PAG1: variants seen among roughly 807,000 people sequenced by gnomAD.
PAG1 encodes phosphoprotein membrane anchor with glycosphingolipid microdomains 1.
Under a neutral mutation model 31.7 loss-of-function variants are expected in PAG1, and 23 were observed. The observed-to-expected ratio is 0.73, with a 90% confidence interval of 0.52 to 1.03. The LOEUF (loss-of-function observed/expected upper bound fraction) is 1.03. PAG1 is among the 50% of genes least tolerant of loss of function. PAG1 has a pLI of 0.00. For synonymous variants in PAG1, 214 were observed against 210.3 expected, an observed-to-expected ratio of 1.02 and a Z score of -0.15; for missense variants, 473 against 540.7, an observed-to-expected ratio of 0.87 and a Z score of 1.24.
At chr8:81,011,172 CTA>C (rs72377193) in intron 3 of PAG1, among the ~76,000 whole-genome samples, 1,545 of 152,280 alleles carry the variant, frequency 0.01, 36 homozygotes, top group African/African-American at 0.035. Context: ...AGCACAAACT[CTA>C]TGTTTGTCTT....
chr8:81,044,590 C>G (rs1310363926), intron 2 of PAG1, among the ~76,000 whole-genome samples: 1 of 152,170 alleles, frequency 6.6e-6, no homozygotes, highest in Non-Finnish European at 1.5e-5. Flanking sequence ...TTCTACTGTT[C>G]TAAGCCACCC....
At chr8:81,040,366 A>G (rs1808533665) in intron 2 of PAG1, among the ~76,000 whole-genome samples, 1 of 152,078 alleles carries the variant, frequency 6.6e-6, no homozygotes, top group Non-Finnish European at 1.5e-5. Flanking sequence ...GCCACTTTTC[A>G]TTACCTTCAC....
intron 2 of PAG1, among the ~76,000 whole-genome samples, chr8:81,047,633 C>T (rs2130862912): frequency 6.6e-6 from 1 of 152,296 alleles, no homozygotes; most frequent in Admixed American, 6.5e-5. Flanking sequence ...CTCAGATGGA[C>T]ACACACTACA....
At chr8:80,987,657 T>C in intron 5 of PAG1, 191 bp from the exon 6 acceptor site, 1 of 534,310 alleles carries the variant, frequency 1.9e-6, no homozygotes, top group Non-Finnish European at 3.4e-6. Context: ...CCTAAAACCA[T>C]GAGTAGTACT....
intron 2 of PAG1, 62 bp from the exon 3 acceptor site, chr8:81,030,151 C>G (rs1808355655): frequency 6.6e-6 from 1 of 152,226 alleles, no homozygotes; most frequent in Non-Finnish European, 1.5e-5. Context: ...GTGAAAGATA[C>G]TTGTTCAGTT....
intron 1 of PAG1, among the ~76,000 whole-genome samples, chr8:81,096,296 A>T (rs1049102563): frequency 6.6e-6 from 1 of 150,530 alleles, no homozygotes; most frequent in African/African-American, 2.5e-5. Context: ...GCCCTCTGGA[A>T]AATGAACATG....
intron 3 of PAG1, among the ~76,000 whole-genome samples, chr8:81,016,278 T>C (rs913706120): frequency 5.3e-5 from 8 of 152,224 alleles, no homozygotes; most frequent in African/African-American, 1.2e-4. Flanking sequence ...GGAGGTATTA[T>C]TGTCCTCATG....
chr8:81,018,518 G>A (rs1472404651), intron 3 of PAG1, among the ~76,000 whole-genome samples: 1 of 152,184 alleles, frequency 6.6e-6, no homozygotes, highest in Non-Finnish European at 1.5e-5. Flanking sequence ...ACATGTTGTG[G>A]GAGGGACCCA....
chr8:80,987,184 C>G (rs1033826343), intron 6 of PAG1, among the ~76,000 whole-genome samples, 186 bp downstream of exon 6: 2 of 152,140 alleles, frequency 1.3e-5, no homozygotes, highest in Non-Finnish European at 2.9e-5. Context: ...AGAACAATGC[C>G]TGGCACACAG....
At chr8:81,084,191 T>G (rs74664536) in intron 1 of PAG1, among the ~76,000 whole-genome samples, 13 of 152,342 alleles carry the variant, frequency 8.5e-5, no homozygotes, top group African/African-American at 2.9e-4. Context: ...GTTTGTTTTA[T>G]GAACAATGTC....
chr8:81,100,046 C>T (rs1412859501), intron 1 of PAG1, among the ~76,000 whole-genome samples: 1 of 152,112 alleles, frequency 6.6e-6, no homozygotes, highest in African/African-American at 2.4e-5. Context: ...AATTCTTTAC[C>T]CACAAATGAC....
intron 8 of PAG1, among the ~76,000 whole-genome samples, chr8:80,979,056 A>G (rs1257112983): frequency 6.6e-6 from 1 of 152,266 alleles, no homozygotes; most frequent in African/African-American, 2.4e-5. Context: ...ATTAAATTAC[A>G]TAAATACAAA....
intron 1 of PAG1, among the ~76,000 whole-genome samples, chr8:81,096,906 CCAGGTGGG>C (rs1563429340): frequency 6.6e-6 from 1 of 152,190 alleles, no homozygotes; most frequent in African/African-American, 2.4e-5. Context: ...GTCACACCAG[CCAGGTGGG>C]CATAGGTGCC....
chr8:81,028,938 C>A (rs1808330729), intron 3 of PAG1, among the ~76,000 whole-genome samples: 1 of 152,192 alleles, frequency 6.6e-6, no homozygotes, highest in South Asian at 2.1e-4. Context: ...TCTCCCCTGG[C>A]CAATCTGAAA....
At chr8:81,085,781 G>A (rs1809341089) in intron 1 of PAG1, among the ~76,000 whole-genome samples, 1 of 152,150 alleles carries the variant, frequency 6.6e-6, no homozygotes, top group Non-Finnish European at 1.5e-5. Context: ...TTTGGTCAGA[G>A]TAAGTCTTTC....
chr8:80,997,720 T>C (rs2130555879), intron 3 of PAG1, among the ~76,000 whole-genome samples: 1 of 152,318 alleles, frequency 6.6e-6, no homozygotes, highest in Non-Finnish European at 1.5e-5. Context: ...CAGAAGATGG[T>C]AATATTAATG....
At chr8:81,086,270 C>T (rs1207153613) in intron 1 of PAG1, among the ~76,000 whole-genome samples, 3 of 151,972 alleles carry the variant, frequency 2.0e-5, no homozygotes, top group Non-Finnish European at 4.4e-5. Flanking sequence ...CGTGAGCCAC[C>T]GCGCCCGGCC....
chr8:81,042,393 T>C (rs141442404), intron 2 of PAG1, among the ~76,000 whole-genome samples: 13 of 152,354 alleles, frequency 8.5e-5, no homozygotes, highest in Non-Finnish European at 1.5e-4. Context: ...TTTGGAAATA[T>C]GGTTGTCACT....
At chr8:81,082,208 G>A (rs1246159832) in intron 1 of PAG1, among the ~76,000 whole-genome samples, 1 of 141,752 alleles carries the variant, frequency 7.1e-6, no homozygotes, top group African/African-American at 2.7e-5. Flanking sequence ...AGCCGAGACT[G>A]TGCCACTGTG....
Sources: gnomAD v4.1 joint callset for allele counts (sites outside exome capture counted in the v4.1 genomes callset) on GRCh38, gnomAD v4.1.1 for gene constraint, MANE v1.5 for transcripts, NCBI Gene and HGNC (gene_info 2026-07-23, HGNC 2026-07-21) for gene names.